Variants in FAM24B observed in about 807,000 individuals in gnomAD.
FAM24B encodes protein FAM24B.
FAM24B carries 3 observed loss-of-function variants against 2.3 expected under a neutral mutation model. The observed-to-expected ratio is 1.29, with a 90% CI of 0.59 to 3.32. The LOEUF (loss-of-function observed/expected upper bound fraction) is 3.32, where lower values mean the gene tolerates loss of function less well. FAM24B is among the 30% of genes most tolerant of loss of function. The pLI, the probability that FAM24B is intolerant of heterozygous loss-of-function variation, is 0.03. For missense variants in FAM24B, 98 were observed against 117.2 expected, an observed-to-expected ratio of 0.84 and a Z score of 0.76; for synonymous variants, 36 against 46.3, an observed-to-expected ratio of 0.78 and a Z score of 0.90.
chr10:122,878,536 G>GA lies in FAM24B; in HGVS notation c.-178+948dup, dbSNP rs113044867. Among the ~76,000 whole-genome samples, 1,240 of 145,734 alleles carry GA rather than the reference G, an allele frequency of 8.5e-3. 22 individuals carry two copies. Among genetic ancestry groups the GA allele is most frequent in the African/African-American group, 0.03 (1,178 of 39,670 alleles). On this transcript the variant is annotated intron_variant, in intron 1 of 3. Transcript: ENST00000368898. ...GACAGACTGAAACTCCATCTCAAAA[G>GA]AAAAAAAAAAGTAATGGTGATGGTG... is the stretch of plus-strand genomic sequence containing the variant.
chr10:122,869,661 G>C (rs1446758984), intron 1 of FAM24B, among the ~76,000 whole-genome samples: 1 of 152,096 alleles, frequency 6.6e-6, no homozygotes, highest in Non-Finnish European at 1.5e-5. Context: ...CATGGAAACT[G>C]AACAACCTGC....
At chr10:122,879,240 C>G (rs1848034991) in intron 1 of FAM24B, among the ~76,000 whole-genome samples, 1 of 152,260 alleles carries the variant, frequency 6.6e-6, no homozygotes, top group African/African-American at 2.4e-5. Context: ...TGTGGCCCAG[C>G]GTCCACCACT....
chr10:122,870,249 C>A (rs1847871383), intron 1 of FAM24B, among the ~76,000 whole-genome samples: 1 of 152,168 alleles, frequency 6.6e-6, no homozygotes, highest in African/African-American at 2.4e-5. Flanking sequence ...GAAGTTGAAT[C>A]TCTGAATAGA....
chr10:122,862,648 T>G (rs1166968184), intron 1 of FAM24B, among the ~76,000 whole-genome samples: 1 of 152,170 alleles, frequency 6.6e-6, no homozygotes, highest in Admixed American at 6.6e-5. Context: ...AAATGGTTCC[T>G]GCATTATATA....
intron 1 of FAM24B, among the ~76,000 whole-genome samples, chr10:122,868,292 C>A (rs990796912): frequency 6.6e-6 from 1 of 152,012 alleles, no homozygotes; most frequent in Non-Finnish European, 1.5e-5. Context: ...GTGAAAAGAC[C>A]AAATCTACGT....
At chr10:122,877,211 C>G (rs983876035) in intron 1 of FAM24B, among the ~76,000 whole-genome samples, 1 of 152,204 alleles carries the variant, frequency 6.6e-6, no homozygotes, top group Non-Finnish European at 1.5e-5. Flanking sequence ...GGCTTTGTAA[C>G]CATCTGAAGG....
chr10:122,875,812 A>T (rs1847968181), intron 1 of FAM24B, among the ~76,000 whole-genome samples: 1 of 152,166 alleles, frequency 6.6e-6, no homozygotes, highest in Non-Finnish European at 1.5e-5. Flanking sequence ...GAGTTGGACA[A>T]GTGGGTTCAA....
At chr10:122,871,270 C>G (rs1289181762) in intron 1 of FAM24B, among the ~76,000 whole-genome samples, 2 of 151,890 alleles carry the variant, frequency 1.3e-5, no homozygotes, top group Non-Finnish European at 2.9e-5. Flanking sequence ...CAAACCACTG[C>G]TCAATGAAAT....
At chr10:122,856,131 G>C (rs1213297034) in intron 1 of FAM24B, among the ~76,000 whole-genome samples, 1 of 152,194 alleles carries the variant, frequency 6.6e-6, no homozygotes, top group African/African-American at 2.4e-5. Flanking sequence ...TGCCCCTGCT[G>C]AAGCAGAGAG....
intron 1 of FAM24B, among the ~76,000 whole-genome samples, chr10:122,864,209 T>C (rs1566257759): frequency 6.6e-6 from 1 of 152,208 alleles, no homozygotes; most frequent in African/African-American, 2.4e-5. Flanking sequence ...GAAAGCCAAA[T>C]AGGAATTCAA....
At chr10:122,851,936 T>C (rs1405052937) in intron 2 of FAM24B, among the ~76,000 whole-genome samples, 1 of 152,186 alleles carries the variant, frequency 6.6e-6, no homozygotes, top group African/African-American at 2.4e-5. Flanking sequence ...AATTATGTCA[T>C]TGGAAACTAC....
At chr10:122,860,344 T>C (rs1330516586) in intron 1 of FAM24B, among the ~76,000 whole-genome samples, 1 of 152,218 alleles carries the variant, frequency 6.6e-6, no homozygotes, top group Non-Finnish European at 1.5e-5. Context: ...CATTTAATAT[T>C]TGTATATCGA....
At chr10:122,874,179 A>G (rs1265893111) in intron 1 of FAM24B, among the ~76,000 whole-genome samples, 2 of 152,206 alleles carry the variant, frequency 1.3e-5, no homozygotes, top group Non-Finnish European at 2.9e-5. Flanking sequence ...GATTTTCTGC[A>G]TGCTGAAACT....
intron 1 of FAM24B, among the ~76,000 whole-genome samples, 154 bp downstream of exon 1, chr10:122,879,331 T>C (rs36212726): frequency 0.023 from 3,508 of 152,324 alleles, 50 homozygotes; most frequent in Middle Eastern, 0.044. Flanking sequence ...GGAGTAAAAT[T>C]AACCCGAATG....
intron 1 of FAM24B, among the ~76,000 whole-genome samples, chr10:122,866,364 A>G (rs190994725): frequency 5.9e-5 from 9 of 151,688 alleles, no homozygotes; most frequent in African/African-American, 2.2e-4. Flanking sequence ...TTCTTTGTCA[A>G]TTTCATTGAT....
chr10:122,878,072 A>G (rs1219079940), intron 1 of FAM24B, among the ~76,000 whole-genome samples: 1 of 152,206 alleles, frequency 6.6e-6, no homozygotes, highest in Non-Finnish European at 1.5e-5. Flanking sequence ...GAAATTACTG[A>G]CAAATTCTCT....
chr10:122,874,651 G>T (rs944218226), intron 1 of FAM24B, among the ~76,000 whole-genome samples: 1 of 151,750 alleles, frequency 6.6e-6, no homozygotes, highest in Non-Finnish European at 1.5e-5. Flanking sequence ...TTTTCCTCTG[G>T]CTCCTTTCAA....
intron 2 of FAM24B, among the ~76,000 whole-genome samples, chr10:122,854,010 T>G (rs1025583952): frequency 2.0e-5 from 3 of 152,190 alleles, no homozygotes; most frequent in African/African-American, 4.8e-5. Context: ...TCTGCAACCC[T>G]AGGTATCAGA....
At chr10:122,873,626 T>C (rs1294886050) in intron 1 of FAM24B, among the ~76,000 whole-genome samples, 1 of 152,214 alleles carries the variant, frequency 6.6e-6, no homozygotes, top group Non-Finnish European at 1.5e-5. Context: ...TCATAAGGCT[T>C]TAGTAGCCAT....
Sources: allele counts gnomAD v4.1 joint callset (sites outside exome capture counted in the v4.1 genomes callset), GRCh38; gene constraint gnomAD v4.1.1; transcripts MANE v1.5; gene names NCBI Gene and HGNC (gene_info 2026-07-23, HGNC 2026-07-21).